TOP1MT: variants seen among roughly 807,000 people sequenced by gnomAD.
The protein encoded by TOP1MT is DNA topoisomerase I, mitochondrial.
A neutral mutation model predicts 73.9 loss-of-function variants in TOP1MT; 80 were observed. That is an observed-to-expected ratio of 1.08 (90% CI 0.90 to 1.30). The LOEUF is 1.30. Among genes scored for constraint, TOP1MT ranks in the 50% most tolerant of loss-of-function variants. TOP1MT has a pLI of 0.00. For synonymous variants in TOP1MT, 338 were observed against 326.4 expected (o/e 1.04, Z -0.38); for missense variants, 815 against 808.0 (o/e 1.01, Z -0.10).
chr8:143,315,191 T>G (rs1364287429), intron 12 of TOP1MT, among the ~76,000 whole-genome samples: 1 of 152,200 alleles, frequency 6.6e-6, no homozygotes, highest in African/African-American at 2.4e-5. Context: ...CGCCCGCAGT[T>G]ATCCGGAGGC....
upstream of TOP1MT, among the ~76,000 whole-genome samples, chr8:143,336,397 C>T (rs1019088532): frequency 6.6e-6 from 1 of 152,086 alleles, no homozygotes; most frequent in African/African-American, 2.4e-5. Context: ...TCATGATAAA[C>T]AGAATGGAAA....
In TOP1MT at chr8:143,325,349, C is replaced by A; in HGVS notation, c.668G>T (p.Ser223Ile). 1 of 1,587,084 alleles carries A rather than the reference C, an allele frequency of 6.3e-7. No individual in the cohort carries two copies. Among genetic ancestry groups the A allele is most frequent in the South Asian group, 1.1e-5 (1 of 90,494 alleles). The change falls in exon 5 of 14, where the codon AGC becomes ATC. Residue 223 changes from serine (S) to isoleucine (I), a missense_variant. This residue lies in a region of TOP1MT where 751 missense variants were observed against 725.4 expected (regional missense o/e 1.04). Transcript: ENST00000329245. ...ITPEDVVINC[S>I]RDSKIPEPPA... is the part of the protein sequence containing the mutation. Reference sequence around the variant, plus strand: ...TGCTGCCCGCCCGGCCACGCACCTGCTGCAGTTGATAACCACATCCTCTGG... The same window carrying A: ...TGCTGCCCGCCCGGCCACGCACCTGATGCAGTTGATAACCACATCCTCTGG...
At chr8:143,354,962 G>T (rs374786199) in intron 1 of TOP1MT, among the ~76,000 whole-genome samples, 10 of 152,196 alleles carry the variant, frequency 6.6e-5, no homozygotes, top group African/African-American at 2.4e-4. Context: ...ATTTTGTGAA[G>T]TTGCAGCAAC....
At position 143,315,768 on chromosome 8, in the gene TOP1MT, C is replaced by G; in HGVS notation, c.1512G>C (p.Ala504=). Residue 504 remains alanine, a synonymous_variant, in exon 12 of 14, where the codon GCG becomes GCC. Transcript: ENST00000329245. ...CCCCTTGGGCTTTGTGCTCAGCCCT[C>G]GCCCTCCTCAGCTCTGCCCTGGCCT... The part of the protein sequence containing the change: ...VAEARAELRR[A]RAEHKAQGDG... 1.2e-6 allele frequency: 2 copies of G among 1,614,024 alleles called. No homozygotes were observed. The highest frequency in any genetic ancestry group is 2.2e-5 in the South Asian group (2 of 91,084).
At position 143,315,723 on chromosome 8, in the gene TOP1MT, T is replaced by C; in HGVS notation, c.1553+4A>G. On this transcript the variant is annotated splice_donor_region_variant and intron_variant, in intron 12 of 13. Transcript: ENST00000329245. The stretch of plus-strand genomic sequence containing the variant: ...AGAAGGCGTCTGAGGGCACGGGTAC[T>C]CACCTCCTGGACTTGCCATCCCCTT... 6.2e-7 allele frequency: 1 copy of C among 1,613,500 alleles called. No homozygotes were observed. Among genetic ancestry groups the C allele is most frequent in the African/African-American group, 1.3e-5 (1 of 75,042 alleles).
At chr8:143,356,257 G>A (rs571505044), upstream of TOP1MT, among the ~76,000 whole-genome samples, 155 of 152,292 alleles carry the variant, frequency 1.0e-3, 1 homozygote, top group African/African-American at 3.6e-3. Flanking sequence ...GGCAGCAGCC[G>A]TCAAAGGATT....
intron 8 of TOP1MT, among the ~76,000 whole-genome samples, chr8:143,319,721 G>A (rs1286944818): frequency 6.6e-6 from 1 of 152,200 alleles, no homozygotes; most frequent in Admixed American, 6.5e-5. Flanking sequence ...GCAGCCACTA[G>A]TCCCTGCAGC....
intron 7 of TOP1MT, 125 bp downstream of exon 7, chr8:143,323,874 C>T (rs1816627831): frequency 9.4e-7 from 1 of 1,059,502 alleles, no homozygotes; most frequent in Non-Finnish European, 1.4e-6. Flanking sequence ...TGCACACACC[C>T]CCCCCATCAG....
upstream of TOP1MT, among the ~76,000 whole-genome samples, chr8:143,347,087 C>T (rs184927861): frequency 5.9e-5 from 9 of 151,910 alleles, no homozygotes; most frequent in East Asian, 1.6e-3. Context: ...CAGGTTCAAG[C>T]GATTCTCCTG....
upstream of TOP1MT, among the ~76,000 whole-genome samples, chr8:143,357,879 C>A (rs1428044134): frequency 6.6e-6 from 1 of 151,602 alleles, no homozygotes; most frequent in Non-Finnish European, 1.5e-5. Context: ...CAAGATTGCA[C>A]CATTGCACTC....
chr8:143,311,000 C>G (rs1468949125), intron 12 of TOP1MT, among the ~76,000 whole-genome samples: 1 of 151,226 alleles, frequency 6.6e-6, no homozygotes, highest in African/African-American at 2.4e-5. Flanking sequence ...GCTTTGTCAC[C>G]CAGGCTGGAG....
In TOP1MT at chr8:143,344,790, T is replaced by C. The variant is rs1445667805; in HGVS notation, c.-39+126A>G. On this transcript the variant is annotated intron_variant, in intron 1 of 5. Coordinates refer to the TOP1MT transcript ENST00000518007. The surrounding 1 kb of genome is among the most constrained non-coding windows in gnomAD (Gnocchi z 4.6). Reference sequence around the variant, plus strand: ...AAGTCCAGGGCCCAGCACCTAAGGGTGATTAACTGGCAAGGACACCAAACA... The same window carrying C: ...AAGTCCAGGGCCCAGCACCTAAGGGCGATTAACTGGCAAGGACACCAAACA... 1.3e-5 allele frequency: 2 copies of C among 152,166 alleles called. No homozygotes were observed. The highest frequency in any genetic ancestry group is 1.3e-4 in the Admixed American group (2 of 15,262). The allele number at this position is 152,166 out of a possible 1,614,324, so 9.4% of individuals were successfully genotyped here.
intron 3 of TOP1MT, chr8:143,328,188 C>T (rs1816755829): frequency 2.2e-6 from 1 of 452,394 alleles, no homozygotes; most frequent in Non-Finnish European, 4.4e-6. Flanking sequence ...CACAAAAGTA[C>T]TCACCATAAA....
intron 1 of TOP1MT, chr8:143,355,826 G>A (rs1409054137): frequency 2.6e-5 from 4 of 152,146 alleles, no homozygotes; most frequent in East Asian, 1.9e-4. Context: ...AAAAGAACAC[G>A]AGGCAGGTCC....
chr8:143,309,774 G>A (rs1332185294), intron 13 of TOP1MT: 76 of 1,533,380 alleles, frequency 5.0e-5, no homozygotes, highest in Non-Finnish European at 6.4e-5. Flanking sequence ...ACCGAGCAGG[G>A]CGCTCAGCCA....
At chr8:143,339,328 C>A (rs899632480), upstream of TOP1MT, among the ~76,000 whole-genome samples, 2 of 152,246 alleles carry the variant, frequency 1.3e-5, no homozygotes, top group Non-Finnish European at 2.9e-5. Context: ...ATCACACCCC[C>A]AGCACGTCTC....
In TOP1MT at chr8:143,332,100, G is replaced by A. The variant is rs182446032; in HGVS notation, c.123-761C>T. Among the ~76,000 whole-genome samples, 116 of 152,300 alleles carry A rather than the reference G, an allele frequency of 7.6e-4. No homozygotes were observed. In the East Asian group the frequency reaches 0.013, roughly 16 times the overall value. Reference sequence around the variant, plus strand: ...GGTGGGGGGACACAGCCAGCGTGGCGGCTACAGCCCATCCTAACTCTCCAG... The same window carrying A: ...GGTGGGGGGACACAGCCAGCGTGGCAGCTACAGCCCATCCTAACTCTCCAG... On this transcript the variant is annotated intron_variant, in intron 1 of 13. Coordinates refer to ENST00000329245, the MANE Select transcript of TOP1MT (RefSeq NM_052963.3).
rs143449323 is a variant in TOP1MT at position 143,331,272 on chromosome 8, C to T, written c.190G>A (p.Ala64Thr). The change falls in exon 2 of 14, where the codon GCA (alanine) becomes ACA (threonine). Residue 64 changes from alanine (A) to threonine (T), a missense_variant. Ala to Thr is a moderately conservative substitution (Grantham distance 58). Around this residue, in one of 3 missense-constraint regions of TOP1MT, gnomAD observed 751 missense variants for 725.4 expected, o/e 1.04. Coordinates refer to ENST00000329245, the MANE Select transcript of TOP1MT (RefSeq NM_052963.3). ...TCGGGAAGGGGCTCGTATGGGGGTGCGAAGTACGGGCCCTTGTGCTCCAGC... is the reference window on the plus strand; with the variant it reads ...TCGGGAAGGGGCTCGTATGGGGGTGTGAAGTACGGGCCCTTGTGCTCCAGC... ...RQLEHKGPYF[A>T]PPYEPLPDGV... is the part of the protein sequence containing the mutation. 3.5e-4 allele frequency: 567 copies of T among 1,611,966 alleles called. No homozygotes were observed. Among genetic ancestry groups the T allele is most frequent in the Non-Finnish European group, 1.7e-4 (198 of 1,178,526 alleles).
At chr8:143,319,776 T>C (rs572315097) in intron 8 of TOP1MT, among the ~76,000 whole-genome samples, 1 of 150,944 alleles carries the variant, frequency 6.6e-6, no homozygotes, top group South Asian at 2.1e-4. Flanking sequence ...GGGTGAAAAG[T>C]GTTCCCGAAA....
Sources: gnomAD v4.1 joint callset for allele counts (sites outside exome capture counted in the v4.1 genomes callset) on GRCh38, gnomAD v4.1.1 for gene constraint, gnomAD v4.1.1 regional missense constraint, Gnocchi (gnomAD v3.1) non-coding constraint, MANE v1.5 for transcripts, NCBI Gene and HGNC (gene_info 2026-07-23, HGNC 2026-07-21) for gene names.